Variants in TRDMT1 observed in about 807,000 individuals in gnomAD.
TRDMT1 encodes the protein tRNA (cytosine(38)-C(5))-methyltransferase.
Under a neutral mutation model 51.2 loss-of-function variants are expected in TRDMT1, and 49 were observed. That is an observed-to-expected ratio of 0.96 (90% CI 0.76 to 1.21). The LOEUF is 1.21. TRDMT1 is among the 50% of genes most tolerant of loss of function. The pLI, the probability that TRDMT1 is intolerant of heterozygous loss-of-function variation, is 0.00. For synonymous variants in TRDMT1, 187 were observed against 164.6 expected, an observed-to-expected ratio of 1.14 and a Z score of -1.04; for missense variants, 534 against 462.3, an observed-to-expected ratio of 1.16 and a Z score of -1.42.
At chr10:17,200,453 T>C (rs1473020574) in intron 1 of TRDMT1, 3 of 167,550 alleles carry the variant, frequency 1.8e-5, no homozygotes, top group African/African-American at 7.2e-5. Flanking sequence ...TAGTCTAGAA[T>C]TGAAACTCAA....
chr10:17,145,968 T>C lies in TRDMT1; in HGVS notation c.*3072A>G, dbSNP rs554878362. ...ACTCTAGACCTCAACTAGGTTGAGA[T>C]GGGAGCAAAAACCCAGATGGTGATT... On this transcript the variant is annotated 3_prime_UTR_variant, in exon 11 of 11. Coordinates refer to ENST00000377799, the MANE Select transcript of TRDMT1 (RefSeq NM_004412.7). The C allele has an allele frequency of 7.5e-5, 74 of 985,464 alleles. No homozygotes were observed. The East Asian group carries it at 7.4e-3, about 98-fold the overall frequency. The allele number at this position is 985,464 out of a possible 1,614,324, so 61.0% of individuals were successfully genotyped here.
chr10:17,176,285 T>C (rs529755768), intron 1 of TRDMT1, among the ~76,000 whole-genome samples: 37 of 152,322 alleles, frequency 2.4e-4, no homozygotes, highest in Admixed American at 5.9e-4. Flanking sequence ...TTCCACCATA[T>C]ATGAAGCAAA....
intron 1 of TRDMT1, among the ~76,000 whole-genome samples, chr10:17,176,555 T>C (rs11254424): frequency 0.42 from 63,563 of 152,042 alleles, 15,280 homozygotes; most frequent in South Asian, 0.57. Context: ...ACTGTTTGCA[T>C]GGATTGATGC....
chr10:17,174,473 C>T (rs940390369), intron 2 of TRDMT1, 78 bp downstream of exon 2: 26 of 952,038 alleles, frequency 2.7e-5, no homozygotes, highest in East Asian at 1.5e-4. Context: ...ATTAAGACAA[C>T]GGAAACCAGT....
At chr10:17,185,781 T>A (rs1257832241) in intron 1 of TRDMT1, among the ~76,000 whole-genome samples, 1 of 151,928 alleles carries the variant, frequency 6.6e-6, no homozygotes, top group African/African-American at 2.4e-5. Flanking sequence ...CTGGAAACCA[T>A]CAATCTCAGC....
At chr10:17,182,776 A>G (rs927654546) in intron 1 of TRDMT1, among the ~76,000 whole-genome samples, 4 of 152,222 alleles carry the variant, frequency 2.6e-5, no homozygotes, top group African/African-American at 7.2e-5. Flanking sequence ...AGTCTCATCA[A>G]TTCTTACAAA....
Position 17,168,858 on chromosome 10 carries a change from G to A in TRDMT1, c.234C>T (p.Pro78=). ...LSFDMILMSP[P]CQPFTRIGRQ... is the part of the protein sequence containing the mutation. ...ACACATACCTTGTGAATGGCTGGCA[G>A]GGAGGGCTCATTAAAATCATATCAA... Residue 78 remains proline, a synonymous_variant, in exon 3 of 11, where the codon CCC becomes CCT. Coordinates refer to ENST00000377799, the MANE Select transcript of TRDMT1 (RefSeq NM_004412.7). 6.2e-7 allele frequency: 1 copy of A among 1,611,484 alleles called. No individual in the cohort carries two copies. The highest frequency in any genetic ancestry group is 2.2e-5 in the East Asian group (1 of 44,824).
intron 3 of TRDMT1, among the ~76,000 whole-genome samples, chr10:17,168,012 T>C (rs191477018): frequency 2.5e-4 from 38 of 152,258 alleles, no homozygotes; most frequent in Non-Finnish European, 4.7e-4. Context: ...TAATTATAAA[T>C]ATGAATGGAG....
chr10:17,145,761 C>A lies in TRDMT1; in HGVS notation c.*3279G>T, dbSNP rs1414217446. ...CTCTTAAGTTATCAAAGCAAAAGAG[C>A]AACCAGAGTGACTTTGGTTTGGATG... On this transcript the variant is annotated 3_prime_UTR_variant, in exon 11 of 11. Coordinates refer to ENST00000377799, the MANE Select transcript of TRDMT1 (RefSeq NM_004412.7). 4 of 985,356 alleles carry A rather than the reference C, an allele frequency of 4.1e-6. No homozygotes were observed. The highest frequency in any genetic ancestry group is 6.1e-5 in the Admixed American group (1 of 16,270). 61.0% of individuals were successfully genotyped at this position (985,356 alleles called of 1,614,324 possible).
intron 1 of TRDMT1, among the ~76,000 whole-genome samples, chr10:17,187,799 A>T (rs750604806): frequency 6.6e-6 from 1 of 152,172 alleles, no homozygotes; most frequent in South Asian, 2.1e-4. Flanking sequence ...ACACAAATAC[A>T]TTACACACAT....
At chr10:17,173,667 T>G (rs1033354690) in intron 2 of TRDMT1, among the ~76,000 whole-genome samples, 1 of 152,130 alleles carries the variant, frequency 6.6e-6, no homozygotes, top group Non-Finnish European at 1.5e-5. Context: ...CACTTAAAAT[T>G]ACGTACAATA....
intron 1 of TRDMT1, among the ~76,000 whole-genome samples, chr10:17,201,075 T>A (rs1846089329): frequency 6.6e-6 from 1 of 152,130 alleles, no homozygotes; most frequent in Non-Finnish European, 1.5e-5. Context: ...TCCTCTACCA[T>A]CCTATTTAGC....
intron 1 of TRDMT1, among the ~76,000 whole-genome samples, chr10:17,174,862 A>T (rs1842445759): frequency 6.6e-6 from 1 of 152,338 alleles, no homozygotes. Flanking sequence ...CATCTCTCTA[A>T]ACAGCATTCC....
intron 3 of TRDMT1, among the ~76,000 whole-genome samples, chr10:17,167,002 C>G (rs952523390): frequency 6.6e-6 from 1 of 152,220 alleles, no homozygotes; most frequent in Non-Finnish European, 1.5e-5. Context: ...ATTCCCTTCT[C>G]TTGGTATGCA....
rs535206484 is a variant in TRDMT1 at position 17,147,541 on chromosome 10, A to T, written c.*1499T>A. On this transcript the variant is annotated 3_prime_UTR_variant, in exon 11 of 11. Transcript: ENST00000377799. ...CACCCCAATCAGAAACTTTGTATCCATTATGCACTAACTACCCATTCTCCA... is the reference window on the plus strand; with the variant it reads ...CACCCCAATCAGAAACTTTGTATCCTTTATGCACTAACTACCCATTCTCCA... 5.5e-6 allele frequency: 1 copy of T among 182,870 alleles called. No individual in the cohort carries two copies. Among genetic ancestry groups the T allele is most frequent in the Non-Finnish European group, 1.0e-5 (1 of 96,010 alleles). The allele number at this position is 182,870 out of a possible 1,614,324, so 11.3% of individuals were successfully genotyped here. A position where few individuals can be genotyped will look rare whatever the true frequency, so the allele number is the denominator to read the frequency against.
chr10:17,158,455 G>A (rs1474033397), intron 7 of TRDMT1, among the ~76,000 whole-genome samples: 2 of 152,026 alleles, frequency 1.3e-5, no homozygotes, highest in Non-Finnish European at 2.9e-5. Context: ...CTATGGAAAG[G>A]GAGCAATATT....
intron 3 of TRDMT1, among the ~76,000 whole-genome samples, chr10:17,164,801 C>A (rs1699861748): frequency 6.6e-6 from 1 of 152,112 alleles, no homozygotes; most frequent in Non-Finnish European, 1.5e-5. Flanking sequence ...ACCTAGGAAT[C>A]CAACTTACAA....
chr10:17,173,251 T>TTTC (rs1293453265), intron 2 of TRDMT1, among the ~76,000 whole-genome samples: 5 of 152,174 alleles, frequency 3.3e-5, no homozygotes, highest in Non-Finnish European at 7.3e-5. Flanking sequence ...ATTGCAACTT[T>TTTC]ACTTGTAATG....
chr10:17,148,000 A>G lies in TRDMT1; in HGVS notation c.*1040T>C, dbSNP rs2131363986. 1.0e-6 allele frequency: 1 copy of G among 984,998 alleles called. No homozygotes were observed. The allele number at this position is 984,998 out of a possible 1,614,324, so 61.0% of individuals were successfully genotyped here. A position where few individuals can be genotyped will look rare whatever the true frequency, so the allele number is the denominator to read the frequency against. Reference sequence around the variant, plus strand: ...TTTTAAGAAGAAAAATTTGAATTAAAATCTTGTAATATGATTTCTGGACTT... The same window carrying G: ...TTTTAAGAAGAAAAATTTGAATTAAGATCTTGTAATATGATTTCTGGACTT... On this transcript the variant is annotated 3_prime_UTR_variant, in exon 11 of 11. Coordinates refer to ENST00000377799, the MANE Select transcript of TRDMT1 (RefSeq NM_004412.7).
Sources: gnomAD v4.1 joint callset for allele counts (sites outside exome capture counted in the v4.1 genomes callset) on GRCh38, gnomAD v4.1.1 for gene constraint, MANE v1.5 for transcripts, NCBI Gene and HGNC (gene_info 2026-07-23, HGNC 2026-07-21) for gene names.